The following UBQLN1 variants were observed in gnomAD, a reference collection of about 807,000 sequenced individuals.
The protein encoded by UBQLN1 is ubiquilin 1, also known as ubiquilin-1.
A neutral mutation model predicts 65.4 loss-of-function variants in UBQLN1; 13 were observed. The observed-to-expected ratio is 0.20, with a 90% confidence interval of 0.13 to 0.32. UBQLN1 has a LOEUF of 0.32. Among genes scored for constraint, UBQLN1 ranks in the 10% least tolerant of loss-of-function variants. UBQLN1 has a pLI of 1.00. For synonymous variants in UBQLN1, 267 were observed against 247.8 expected (o/e 1.08, Z -0.73); for missense variants, 561 against 724.0 (o/e 0.77, Z 2.58).
chr9:83,678,189 T>C (rs1169571890), intron 5 of UBQLN1, among the ~76,000 whole-genome samples: 1 of 149,946 alleles, frequency 6.7e-6, no homozygotes, highest in East Asian at 1.9e-4. Context: ...GCCCAGCTAA[T>C]TTTTTGTATT....
At chr9:83,699,428 A>C (rs978117571) in intron 1 of UBQLN1, among the ~76,000 whole-genome samples, 10 of 152,152 alleles carry the variant, frequency 6.6e-5, no homozygotes, top group Non-Finnish European at 1.2e-4. Flanking sequence ...TGTAACCTCC[A>C]AACTCCTGGG....
intron 6 of UBQLN1, among the ~76,000 whole-genome samples, chr9:83,672,170 T>C (rs1831744669): frequency 6.6e-6 from 1 of 152,354 alleles, no homozygotes; most frequent in East Asian, 1.9e-4. Flanking sequence ...AAGGGAATAG[T>C]GTGGCTGGTG....
intron 1 of UBQLN1, among the ~76,000 whole-genome samples, chr9:83,690,143 A>G (rs892623857): frequency 2.6e-5 from 4 of 152,238 alleles, no homozygotes; most frequent in African/African-American, 9.7e-5. Context: ...CACAAAAAAT[A>G]CAATCAACAT....
intron 8 of UBQLN1, chr9:83,665,360 C>G: frequency 5.1e-6 from 2 of 395,942 alleles, no homozygotes; most frequent in Non-Finnish European, 9.0e-6. Context: ...CTAAGTCCAT[C>G]ATGAAAGCCA....
chr9:83,689,502 A>C (rs1832092187), intron 1 of UBQLN1, among the ~76,000 whole-genome samples: 1 of 152,254 alleles, frequency 6.6e-6, no homozygotes, highest in African/African-American at 2.4e-5. Flanking sequence ...CTACAGAATA[A>C]GCATTCTTTT....
chr9:83,663,997 C>G lies in UBQLN1; in HGVS notation c.1495G>C (p.Gly499Arg), dbSNP rs374182108. ...GGTGTGGCGTTAGATCCATTAGTTC[C>G]CGAAGAGCCTCCAGTGCTTCCTAAT... ...GALGSTGGSS[G>R]TNGSNATPSE... Residue 499 changes from glycine (G) to arginine (R), a missense_variant, in exon 10 of 11, where the codon GGA becomes CGA. Physicochemically the swap from Gly to Arg is moderately radical, Grantham distance 125 (BLOSUM62 -2). Around this residue, in one of 8 missense-constraint regions of UBQLN1, gnomAD observed 68 missense variants for 62.2 expected, o/e 1.09. Coordinates refer to ENST00000376395, the MANE Select transcript of UBQLN1 (RefSeq NM_013438.5). The G allele has an allele frequency of 9.9e-6, 16 of 1,614,008 alleles. No individual in the cohort carries two copies. The highest frequency in any genetic ancestry group is 1.3e-5 in the Non-Finnish European group (15 of 1,180,000).
chr9:83,688,343 T>C (rs955295234), intron 1 of UBQLN1, among the ~76,000 whole-genome samples: 3 of 152,186 alleles, frequency 2.0e-5, no homozygotes, highest in Admixed American at 2.0e-4. Context: ...TAGTTAGGAT[T>C]CAAACTTAGA....
At chr9:83,699,536 G>A (rs1832276854) in intron 1 of UBQLN1, among the ~76,000 whole-genome samples, 1 of 152,144 alleles carries the variant, frequency 6.6e-6, no homozygotes, top group African/African-American at 2.4e-5. Context: ...AACTCCAGGA[G>A]GTGGGGGCTG....
At chr9:83,670,865 A>G (rs1831717763) in intron 6 of UBQLN1, among the ~76,000 whole-genome samples, 1 of 152,208 alleles carries the variant, frequency 6.6e-6, no homozygotes, top group Admixed American at 6.5e-5. Context: ...CTATCTCAAG[A>G]AACCACTCTT....
intron 1 of UBQLN1, among the ~76,000 whole-genome samples, chr9:83,698,602 A>T (rs1282780401): frequency 3.3e-5 from 5 of 152,198 alleles, no homozygotes; most frequent in African/African-American, 1.2e-4. Context: ...ATATAATGGA[A>T]TATTATTCAG....
intron 1 of UBQLN1, among the ~76,000 whole-genome samples, chr9:83,706,216 A>G (rs983356216): frequency 5.3e-5 from 8 of 152,212 alleles, no homozygotes; most frequent in African/African-American, 1.4e-4. Context: ...GATACGTGCA[A>G]CTTACTCTGA....
At chr9:83,667,816 A>G in intron 7 of UBQLN1, 1 of 975,730 alleles carries the variant, frequency 1.0e-6, no homozygotes, top group Non-Finnish European at 1.2e-6. Context: ...AAAAGAATAG[A>G]AAAACCACAA....
intron 7 of UBQLN1, chr9:83,668,393 C>G (rs1259678473): frequency 4.1e-6 from 4 of 985,220 alleles, no homozygotes; most frequent in Admixed American, 6.2e-5. Context: ...TTTTAACGAA[C>G]AGCAAATATA....
At chr9:83,682,785 C>G (rs1186553522) in intron 3 of UBQLN1, among the ~76,000 whole-genome samples, 166 bp downstream of exon 3, 1 of 151,782 alleles carries the variant, frequency 6.6e-6, no homozygotes, top group Non-Finnish European at 1.5e-5. Context: ...ATCCATATCC[C>G]CAACTACTTC....
intron 1 of UBQLN1, among the ~76,000 whole-genome samples, chr9:83,701,468 A>G (rs57391609): frequency 2.0e-5 from 3 of 152,112 alleles, no homozygotes; most frequent in African/African-American, 7.2e-5. Context: ...ATCTCATGGT[A>G]CCCTTAACAG....
At chr9:83,681,926 T>C (rs1386301334) in intron 3 of UBQLN1, among the ~76,000 whole-genome samples, 1 of 152,190 alleles carries the variant, frequency 6.6e-6, no homozygotes, top group Non-Finnish European at 1.5e-5. Context: ...TGAGGGACTA[T>C]ATGGATGGGC....
intron 4 of UBQLN1, 132 bp downstream of exon 4, chr9:83,679,643 T>C (rs1292901735): frequency 2.0e-6 from 2 of 998,546 alleles, no homozygotes; most frequent in African/African-American, 1.6e-5. Flanking sequence ...TTTGTTGAGT[T>C]TTCTTAAACC....
chr9:83,698,443 A>G (rs190193224), intron 1 of UBQLN1, among the ~76,000 whole-genome samples: 15 of 152,236 alleles, frequency 9.9e-5, no homozygotes, highest in African/African-American at 3.6e-4. Flanking sequence ...AAAATGCAAG[A>G]TATTTTATAG....
At chr9:83,698,756 A>T (rs997380174) in intron 1 of UBQLN1, among the ~76,000 whole-genome samples, 1 of 152,060 alleles carries the variant, frequency 6.6e-6, no homozygotes, top group African/African-American at 2.4e-5. Flanking sequence ...TCTACAAAAA[A>T]ATACAAAGTA....
Sources: allele counts gnomAD v4.1 joint callset (sites outside exome capture counted in the v4.1 genomes callset), GRCh38; gene constraint gnomAD v4.1.1; regional missense constraint gnomAD v4.1.1; transcripts MANE v1.5; gene names NCBI Gene and HGNC (gene_info 2026-07-23, HGNC 2026-07-21).